DFFB: variants seen among roughly 807,000 people sequenced by gnomAD.
DFFB encodes the protein DNA fragmentation factor subunit beta, also known as DNA fragmentation factor 40 kDa subunit.
DFFB carries 29 observed loss-of-function variants against 32.7 expected under a neutral mutation model. The ratio of observed to expected loss-of-function variants is 0.89; its 90% CI spans 0.66 to 1.21. DFFB has a LOEUF of 1.21. Ranked by LOEUF, DFFB falls within the 50% of genes most tolerant of loss-of-function variation. The pLI is 0.00. For synonymous variants in DFFB, 170 were observed against 177.1 expected (o/e 0.96, Z 0.32); for missense variants, 398 against 440.6 (o/e 0.90, Z 0.87).
rs542851120 is a variant in DFFB, at chr1:3,881,887, G to A, written c.783-1620G>A. Among the ~76,000 whole-genome samples the A allele has an allele frequency of 1.5e-4, 23 of 149,462 alleles. No homozygotes were observed. In the East Asian group the frequency reaches 2.2e-3, roughly 14 times the overall value. On this transcript the variant is annotated intron_variant, in intron 6 of 6. Transcript: ENST00000378209. ...TCTGTTTCAAAAAAAAAAAAAAGGC[G>A]ACTTTTGCTCAGCATTTTGTGGGTT...
chr1:3,871,891 G>C (rs1013549922), intron 5 of DFFB, among the ~76,000 whole-genome samples: 1 of 152,132 alleles, frequency 6.6e-6, no homozygotes. Context: ...GAGCAGGAAC[G>C]AGAGAGAGAT....
intron 2 of DFFB, among the ~76,000 whole-genome samples, chr1:3,861,654 C>T (rs1644882741): frequency 6.6e-6 from 1 of 152,190 alleles, no homozygotes; most frequent in Admixed American, 6.5e-5. Context: ...CCTATAACTC[C>T]TAGGCTCAAG....
chr1:3,878,828 G>A (rs1486407111), intron 6 of DFFB, among the ~76,000 whole-genome samples: 2 of 152,132 alleles, frequency 1.3e-5, no homozygotes, highest in East Asian at 1.9e-4. Context: ...ATTCACCCGT[G>A]TCTGTGTTTG....
chr1:3,877,403 A>T (rs1009927340), intron 6 of DFFB, among the ~76,000 whole-genome samples: 1 of 140,828 alleles, frequency 7.1e-6, no homozygotes. Flanking sequence ...ATCTCGACTC[A>T]CTGCAACCTC....
intron 4 of DFFB, among the ~76,000 whole-genome samples, chr1:3,868,780 C>T (rs1327250531): frequency 6.6e-6 from 1 of 152,210 alleles, no homozygotes; most frequent in Non-Finnish European, 1.5e-5. Context: ...GAGGCCCCTG[C>T]AATGGGTGTC....
rs142993657 is a variant in DFFB, at chr1:3,867,537, C to T, written c.431-437C>T. The T allele has an allele frequency of 6.0e-3, 962 of 159,392 alleles. 9 individuals are homozygous for T. The highest frequency in any genetic ancestry group is 0.022 in the African/African-American group (897 of 41,698). 9.9% of individuals were successfully genotyped at this position (159,392 alleles called of 1,614,324 possible). A position where few individuals can be genotyped will look rare whatever the true frequency, so the allele number is the denominator to read the frequency against. On this transcript the variant is annotated intron_variant, in intron 3 of 6. Coordinates refer to ENST00000378209, the MANE Select transcript of DFFB (RefSeq NM_004402.4). ...AACCAAACAGGGATGCTGTCTGTGT[C>T]GCCATTAGAATACTTCTCAAGATGA...
At chr1:3,877,215 T>G (rs1156475458) in intron 6 of DFFB, among the ~76,000 whole-genome samples, 1 of 150,946 alleles carries the variant, frequency 6.6e-6, no homozygotes, top group Non-Finnish European at 1.5e-5. Flanking sequence ...TATTCCTACC[T>G]TCTACCTTTG....
intron 4 of DFFB, among the ~76,000 whole-genome samples, chr1:3,868,642 A>AT (rs1557716115): frequency 1.8e-4 from 28 of 151,616 alleles, no homozygotes; most frequent in Admixed American, 3.9e-4. Flanking sequence ...ACACCACACC[A>AT]AGCCACACCA....
Position 3,884,983 on chromosome 1 carries a change from C to T in DFFB, c.*1242C>T, listed in dbSNP as rs914867233. 6.6e-6 allele frequency: 1 copy of T among 152,226 alleles called. No homozygotes were observed. The highest frequency in any genetic ancestry group is 1.5e-5 in the Non-Finnish European group (1 of 68,044). The allele number at this position is 152,226 out of a possible 1,614,324, so 9.4% of individuals were successfully genotyped here. ...TTCTAGGCCAAAAATGGTGAGCGAT[C>T]ATTTATTTCATGATTCAACCTGATA... is the stretch of plus-strand genomic sequence containing the variant. On this transcript the variant is annotated 3_prime_UTR_variant, in exon 7 of 7. Coordinates refer to ENST00000378209, the MANE Select transcript of DFFB (RefSeq NM_004402.4).
In DFFB at chr1:3,865,986, C is replaced by A; in HGVS notation, c.416C>A (p.Pro139Gln). 6.4e-7 allele frequency: 1 copy of A among 1,568,300 alleles called. No individual in the cohort carries two copies. Among genetic ancestry groups the A allele is most frequent in the Non-Finnish European group, 8.7e-7 (1 of 1,154,088 alleles). Residue 139 changes from proline to glutamine, a missense_variant, in exon 3 of 7, where the codon CCG becomes CAG. By Grantham distance (76) the Pro-to-Gln change is moderately conservative (BLOSUM62 -1). Transcript: ENST00000378209. The surrounding 1 kb of genome is among the most constrained non-coding windows in gnomAD (Gnocchi z 4.7). ...NIAAETRAED[P>Q]PWFEGLESRF... The stretch of plus-strand genomic sequence containing the variant: ...GCGGCCGAGACCCGGGCTGAGGACC[C>A]GCCGTGGTTTGAAGGTGCGTGGGGG...
intron 6 of DFFB, among the ~76,000 whole-genome samples, chr1:3,877,268 A>G (rs747022982): frequency 1.3e-5 from 2 of 148,204 alleles, no homozygotes; most frequent in Non-Finnish European, 3.0e-5. Flanking sequence ...TCTCTTTTGT[A>G]TCTAATCTAT....
At chr1:3,880,849 G>T (rs996959497) in intron 6 of DFFB, among the ~76,000 whole-genome samples, 1 of 152,178 alleles carries the variant, frequency 6.6e-6, no homozygotes, top group Non-Finnish European at 1.5e-5. Context: ...TCGTGGGTTC[G>T]GATTTGATTC....
chr1:3,858,750 C>G lies in DFFB; in HGVS notation c.147C>G (p.Tyr49Ter). 3 of 1,614,158 alleles carry G rather than the reference C, an allele frequency of 1.9e-6. No homozygotes were observed. The highest frequency in any genetic ancestry group is 2.5e-6 in the Non-Finnish European group (3 of 1,180,044). Residue 49 changes from tyrosine (Y) to a stop codon, truncating the protein, a stop_gained, in exon 2 of 7, where the codon TAC (tyrosine) becomes TAG (stop). Transcript: ENST00000378209. LOFTEE classifies it high-confidence loss of function. ...AGCGCGGTTCCCGGCTGTGCCTGTACGAGGATGGCACGGAGCTGACGGAAG... is the reference window on the plus strand; with the variant it reads ...AGCGCGGTTCCCGGCTGTGCCTGTAGGAGGATGGCACGGAGCTGACGGAAG... ...LPERGSRLCL[Y>*]EDGTELTEDY... is the part of the protein sequence containing the mutation.
chr1:3,872,614 G>GGGCCCTGTCCCTGCTGC (rs1557721225), intron 6 of DFFB, 42 bp downstream of exon 6: 19 of 959,708 alleles, frequency 2.0e-5, no homozygotes, highest in Middle Eastern at 2.4e-4. Context: ...AGTGCCTGCA[G>GGGCCCTGTCCCTGCTGC]GGCCCTGTCC....
chr1:3,878,716 C>A (rs1307760968), intron 6 of DFFB, among the ~76,000 whole-genome samples: 1 of 152,200 alleles, frequency 6.6e-6, no homozygotes, highest in Non-Finnish European at 1.5e-5. Flanking sequence ...CTCGCTGTGA[C>A]CCTCTGCGGT....
At chr1:3,867,932 G>C (rs1463669955) in intron 3 of DFFB, 42 bp from the exon 4 acceptor site, 2 of 1,596,238 alleles carry the variant, frequency 1.3e-6, no homozygotes, top group African/African-American at 1.3e-5. Context: ...GAGGCCCCTG[G>C]CCTGCCCTGT....
At chr1:3,861,487 G>A (rs1644879989) in intron 2 of DFFB, among the ~76,000 whole-genome samples, 1 of 152,104 alleles carries the variant, frequency 6.6e-6, no homozygotes, top group African/African-American at 2.4e-5. Context: ...GGAGTGCAGT[G>A]GTGCAATCAT....
chr1:3,869,887 T>C (rs1428691564), intron 5 of DFFB, 112 bp downstream of exon 5: 25 of 1,158,480 alleles, frequency 2.2e-5, no homozygotes, highest in Non-Finnish European at 2.9e-5. Context: ...GGCAAAGCCT[T>C]GTGAAGAGGT....
At position 3,865,826 on chromosome 1, in the gene DFFB, A is replaced by G. The variant is rs1366725814; in HGVS notation, c.256A>G (p.Arg86Gly). 6.2e-7 allele frequency: 1 copy of G among 1,614,124 alleles called. No homozygotes were observed. The highest frequency in any genetic ancestry group is 1.1e-5 in the South Asian group (1 of 91,076). Residue 86 changes from arginine (R) to glycine (G), a missense_variant, in exon 3 of 7, where the codon AGG (arginine) becomes GGG (glycine). By Grantham distance (125) the Arg-to-Gly change is moderately radical (BLOSUM62 -2). Coordinates refer to ENST00000378209, the MANE Select transcript of DFFB (RefSeq NM_004402.4). The surrounding 1 kb of genome is among the most constrained non-coding windows in gnomAD (Gnocchi z 4.7). ...ATTGGTGGCAGATGTGAGCGACATC[A>G]GGCGCTTCCTCAGTGCATTTCACGA... ...QAWQGYVSDI[R>G]RFLSAFHEPQ...
Sources: allele counts gnomAD v4.1 joint callset (sites outside exome capture counted in the v4.1 genomes callset), GRCh38; gene constraint gnomAD v4.1.1; non-coding constraint Gnocchi (gnomAD v3.1); transcripts MANE v1.5; gene names NCBI Gene and HGNC (gene_info 2026-07-23, HGNC 2026-07-21).